Variants in PTPRH observed in about 807,000 individuals in gnomAD.
The protein encoded by PTPRH is receptor-type tyrosine-protein phosphatase H.
In PTPRH, 113 loss-of-function variants were observed where a neutral mutation model predicts 130.2. The ratio of observed to expected loss-of-function variants is 0.87; its 90% CI spans 0.75 to 1.01. The LOEUF (loss-of-function observed/expected upper bound fraction) is 1.01. Among genes scored for constraint, PTPRH ranks in the 50% least tolerant of loss-of-function variants. The pLI, the probability that PTPRH is intolerant of heterozygous loss-of-function variation, is 0.00. For missense variants in PTPRH, 1,430 were observed against 1,425.0 expected (o/e 1.00, Z -0.06); for synonymous variants, 556 against 577.9 (o/e 0.96, Z 0.54).
At chr19:55,195,834 G>C (rs1472036862) in intron 10 of PTPRH, among the ~76,000 whole-genome samples, 1 of 151,998 alleles carries the variant, frequency 6.6e-6, no homozygotes, top group Non-Finnish European at 1.5e-5. Context: ...GCCTCCCAAA[G>C]TGCTGGGATT....
intron 4 of PTPRH, 142 bp from the exon 5 acceptor site, chr19:55,204,190 G>A (rs749367767): frequency 1.7e-4 from 154 of 917,344 alleles, no homozygotes; most frequent in Non-Finnish European, 2.4e-5. Flanking sequence ...CACGATCTCG[G>A]CTCACCACAG....
intron 10 of PTPRH, among the ~76,000 whole-genome samples, chr19:55,195,660 A>G (rs1328920335): frequency 6.6e-6 from 1 of 152,124 alleles, no homozygotes; most frequent in Non-Finnish European, 1.5e-5. Context: ...TGCAGTCTCA[A>G]CCTCCTGGGC....
chr19:55,200,137 C>T, intron 7 of PTPRH, 99 bp downstream of exon 7: 2 of 1,357,844 alleles, frequency 1.5e-6, no homozygotes, highest in Non-Finnish European at 2.0e-6. Flanking sequence ...TCTGCAGAGC[C>T]TACGGACTAC....
Position 55,191,661 on chromosome 19 carries a change from ACCT to A in PTPRH, c.2335_2336+1del, listed in dbSNP as rs2086540658. On this transcript the variant is annotated splice_donor_variant and coding_sequence_variant, in exon 11 of 20. Coordinates refer to ENST00000376350, the MANE Select transcript of PTPRH (RefSeq NM_002842.5). ...GGCGGTCAGCCCTGTGCTGAGTCTC[ACCT>A]CCTCTTCAGGAAGAAAATCAGCAGG... 3 of 1,613,576 alleles carry A rather than the reference ACCT, an allele frequency of 1.9e-6. No homozygotes were observed. The highest frequency in any genetic ancestry group is 1.7e-5 in the Admixed American group (1 of 59,976).
At chr19:55,206,622 G>T in intron 3 of PTPRH, 67 bp downstream of exon 3, 2 of 1,427,448 alleles carry the variant, frequency 1.4e-6, no homozygotes, top group Non-Finnish European at 1.9e-6. Flanking sequence ...CATTTTGTCA[G>T]CTCTCAACCA....
At position 55,196,636 on chromosome 19, in the gene PTPRH, C is replaced by A; in HGVS notation, c.2143G>T (p.Ala715Ser). The A allele has an allele frequency of 6.2e-7, 1 of 1,614,040 alleles. No homozygotes were observed. Among genetic ancestry groups the A allele is most frequent in the East Asian group, 2.2e-5 (1 of 44,864 alleles). Residue 715 changes from alanine (A) to serine (S), a missense_variant, in exon 10 of 20, where the codon GCT (alanine) becomes TCT (serine). Coordinates refer to ENST00000376350, the MANE Select transcript of PTPRH (RefSeq NM_002842.5). ...GGCCCGAGACCCAACACAGACACAG[C>A]CTCCCCACATGAAGATCTGTCCTGG... is the stretch of plus-strand genomic sequence containing the variant. ...GSQDRSSCGE[A>S]VSVLGLGPAR...
Position 55,203,832 on chromosome 19 carries a change from A to G in PTPRH, c.836T>C (p.Val279Ala). The G allele has an allele frequency of 6.2e-7, 1 of 1,613,854 alleles. No individual in the cohort carries two copies. Among genetic ancestry groups the G allele is most frequent in the African/African-American group, 1.3e-5 (1 of 75,020 alleles). ...PGSLYTCSVW[V>A]EKDGVNSSVE... Reference sequence around the variant, plus strand: ...AGAGCTATTTACTCCGTCTTTCTCCACCCACACAGAACACGTATACAATGA... The same window carrying G: ...AGAGCTATTTACTCCGTCTTTCTCCGCCCACACAGAACACGTATACAATGA... The change falls in exon 5 of 20, where the codon GTG becomes GCG. Residue 279 changes from valine (V) to alanine (A), a missense_variant. By Grantham distance (64) the Val-to-Ala change is moderately conservative. Coordinates refer to ENST00000376350, the MANE Select transcript of PTPRH (RefSeq NM_002842.5).
Position 55,198,741 on chromosome 19 carries a change from G to T in PTPRH, c.1592C>A (p.Thr531Asn). The T allele has an allele frequency of 6.2e-7, 1 of 1,614,138 alleles. No individual in the cohort carries two copies. Among genetic ancestry groups the T allele is most frequent in the Admixed American group, 1.7e-5 (1 of 60,006 alleles). ...RTQSTSGTDI[T>N]LKELEAGSLY... ...GCTGCCAGCTTCCAGTTCCTTTAGGGTGATGTCAGTACCTGAGGTGCTTTG... is the reference window on the plus strand; with the variant it reads ...GCTGCCAGCTTCCAGTTCCTTTAGGTTGATGTCAGTACCTGAGGTGCTTTG... The change falls in exon 8 of 20, where the codon ACC becomes AAC. Residue 531 changes from threonine (T) to asparagine (N), a missense_variant. By Grantham distance (65) the Thr-to-Asn change is moderately conservative (BLOSUM62 0). Transcript: ENST00000376350.
Position 55,181,607 on chromosome 19 carries a change from G to A in PTPRH, c.*147C>T. Reference sequence around the variant, plus strand: ...AGCCCACCAGACCACTCTCTCCTGGGGAAACCAGAGTTTGGGATACCAGCC... The same window carrying A: ...AGCCCACCAGACCACTCTCTCCTGGAGAAACCAGAGTTTGGGATACCAGCC... On this transcript the variant is annotated 3_prime_UTR_variant, in exon 20 of 20. Coordinates refer to ENST00000376350, the MANE Select transcript of PTPRH (RefSeq NM_002842.5). 1 of 1,139,626 alleles carries A rather than the reference G, an allele frequency of 8.8e-7. No individual in the cohort carries two copies. The highest frequency in any genetic ancestry group is 1.3e-6 in the Non-Finnish European group (1 of 793,910). 70.6% of individuals were successfully genotyped at this position (1,139,626 alleles called of 1,614,324 possible).
At position 55,186,225 on chromosome 19, in the gene PTPRH, C is replaced by G. The variant is rs144513806; in HGVS notation, c.2778G>C (p.Arg926=). 704 of 1,606,998 alleles carry G rather than the reference C, an allele frequency of 4.4e-4. 1 individual carries two copies. In the African/African-American group the frequency reaches 8.5e-3, roughly 19 times the overall value. ...VMLTNCMEAG[R]VKCEHYWPLD... is the part of the protein sequence containing the mutation. ...AGCACCCAGGACTCAGATCTCTCAC[C>G]CGGCCGGCCTCCATGCAGTTGGTCA... Residue 926 remains arginine, a splice_region_variant and synonymous_variant, in exon 16 of 20, where the codon CGG becomes CGC. Transcript: ENST00000376350.
At chr19:55,207,302 C>T (rs1164516174) in intron 1 of PTPRH, 103 bp from the exon 2 acceptor site, 1 of 1,283,614 alleles carries the variant, frequency 7.8e-7, no homozygotes, top group Admixed American at 2.3e-5. Context: ...CCATGAGTCA[C>T]CCTTGCATGG....
intron 14 of PTPRH, 144 bp downstream of exon 14, chr19:55,187,369 G>GAAA: frequency 1.2e-5 from 3 of 250,024 alleles, no homozygotes; most frequent in East Asian, 7.2e-5. Flanking sequence ...AAGAAAAAAA[G>GAAA]AAAAAAAAAA....
At chr19:55,200,601 C>T (rs966845929) in intron 6 of PTPRH, 99 bp from the exon 7 acceptor site, 3 of 1,328,972 alleles carry the variant, frequency 2.3e-6, no homozygotes, top group African/African-American at 1.5e-5. Context: ...AGCTCTTGTT[C>T]AACTGCTGGT....
chr19:55,195,038 A>G (rs1171459529), intron 10 of PTPRH, among the ~76,000 whole-genome samples: 1 of 152,066 alleles, frequency 6.6e-6, no homozygotes, highest in Non-Finnish European at 1.5e-5. Flanking sequence ...AAAAATTTAA[A>G]AATTAGCTGG....
At chr19:55,194,595 A>G (rs909714194) in intron 10 of PTPRH, among the ~76,000 whole-genome samples, 1 of 152,098 alleles carries the variant, frequency 6.6e-6, no homozygotes, top group African/African-American at 2.4e-5. Flanking sequence ...GCTTATGGCC[A>G]TGGTCTTGGT....
intron 10 of PTPRH, among the ~76,000 whole-genome samples, chr19:55,194,747 A>G (rs1386051856): frequency 6.6e-6 from 1 of 152,214 alleles, no homozygotes; most frequent in East Asian, 1.9e-4. Context: ...GTGATCCCTC[A>G]GTTCCACTAC....
rs147701269 is a variant in PTPRH, at chr19:55,197,319, G to A, written c.1788C>T (p.Tyr596=). Residue 596 remains tyrosine, a synonymous_variant, in exon 9 of 20, where the codon TAC becomes TAT. Coordinates refer to ENST00000376350, the MANE Select transcript of PTPRH (RefSeq NM_002842.5). ...KAPGDPHSQL[Y]VYWVQWASKG... ...TGCTGGCCCACTGGACCCAGTATAC[G>A]TACAACTGAGAGTGGGGGTCTCCAG... is the stretch of plus-strand genomic sequence containing the variant. The A allele has an allele frequency of 2.2e-5, 36 of 1,614,122 alleles. No homozygotes were observed. The highest frequency in any genetic ancestry group is 4.4e-5 in the South Asian group (4 of 91,096).
rs756551259 is a variant in PTPRH at position 55,204,039 on chromosome 19, G to T, written c.629C>A (p.Pro210Gln). ...AGCCTCCACTCTCAGGTTCCTCACT[G>T]GGTTGTGAGCTGAGAAATTAGGAAG... is the stretch of plus-strand genomic sequence containing the variant. ...ETRNATTAHNPVRNLRVEAQT... is the reference protein window; with the variant it reads ...ETRNATTAHNQVRNLRVEAQT... Residue 210 changes from proline (P) to glutamine (Q), a missense_variant, in exon 5 of 20, where the codon CCA (proline) becomes CAA (glutamine). Pro to Gln is a moderately conservative substitution (Grantham distance 76). Transcript: ENST00000376350. The T allele has an allele frequency of 6.2e-7, 1 of 1,613,248 alleles. No homozygotes were observed. Among genetic ancestry groups the T allele is most frequent in the East Asian group, 2.2e-5 (1 of 44,882 alleles).
Position 55,205,415 on chromosome 19 carries a change from C to T in PTPRH, c.530G>A (p.Gly177Glu), listed in dbSNP as rs749839076. Reference sequence around the variant, plus strand: ...CGCATACAAACACCCGGGTTCAAGTCCATCCACGGTGATGTTAGTGTGTGC... The same window carrying T: ...CGCATACAAACACCCGGGTTCAAGTTCATCCACGGTGATGTTAGTGTGTGC... ...STAHTNITVDGLEPGCLYAFS... is the reference protein window; with the variant it reads ...STAHTNITVDELEPGCLYAFS... The change falls in exon 4 of 20, where the codon GGA (glycine) becomes GAA (glutamate). Residue 177 changes from glycine (G) to glutamate (E), a missense_variant. Transcript: ENST00000376350. 1.2e-5 allele frequency: 20 copies of T among 1,614,082 alleles called. No homozygotes were observed. In the East Asian group the frequency reaches 4.2e-4, roughly 34 times the overall value.
Sources: allele counts gnomAD v4.1 joint callset (sites outside exome capture counted in the v4.1 genomes callset), GRCh38; gene constraint gnomAD v4.1.1; transcripts MANE v1.5; gene names NCBI Gene and HGNC (gene_info 2026-07-23, HGNC 2026-07-21).